Variants in PABPC4L observed in about 807,000 individuals in gnomAD.
PABPC4L encodes the protein polyadenylate-binding protein 4-like.
For missense variants in PABPC4L, 452 were observed against 451.4 expected (o/e 1.00, Z -0.01); for synonymous variants, 169 against 164.1 (o/e 1.03, Z -0.23).
At chr4:134,068,481 A>T in the PABPC4L span, among the ~76,000 whole-genome samples, 1 of 151,610 alleles carries the variant, frequency 6.6e-6, no homozygotes, top group East Asian at 1.9e-4. Flanking sequence ...TCAAATTTCC[A>T]CTCTGTGCCT....
chr4:134,012,419 G>T, the PABPC4L span, among the ~76,000 whole-genome samples: 1 of 152,070 alleles, frequency 6.6e-6, no homozygotes, highest in African/African-American at 2.4e-5. Flanking sequence ...AGCACCTTGT[G>T]ACACCCACTC....
the PABPC4L span, among the ~76,000 whole-genome samples, chr4:134,079,199 T>C: frequency 6.6e-6 from 1 of 150,742 alleles, no homozygotes; most frequent in African/African-American, 2.4e-5. Flanking sequence ...CTCAAACTCC[T>C]GACCTCGTGT....
chr4:134,141,539 T>C, the PABPC4L span, among the ~76,000 whole-genome samples: 1 of 150,666 alleles, frequency 6.6e-6, no homozygotes, highest in African/African-American at 2.4e-5. Flanking sequence ...GTCTGGTGAA[T>C]TTAGAGGTGA....
the PABPC4L span, among the ~76,000 whole-genome samples, chr4:133,968,066 T>C: frequency 1.3e-5 from 2 of 152,144 alleles, no homozygotes; most frequent in Non-Finnish European, 2.9e-5. Flanking sequence ...ATCCTACTAG[T>C]GAAACACAAA....
At chr4:134,066,687 G>A in the PABPC4L span, among the ~76,000 whole-genome samples, 6 of 151,928 alleles carry the variant, frequency 3.9e-5, no homozygotes, top group African/African-American at 1.4e-4. Context: ...TGTCATAGAT[G>A]GCTCATATTA....
chr4:134,074,242 A>C, the PABPC4L span, among the ~76,000 whole-genome samples: 1 of 152,060 alleles, frequency 6.6e-6, no homozygotes, highest in African/African-American at 2.4e-5. Flanking sequence ...AGTTCCACAG[A>C]TCTCTAGGGC....
At chr4:133,961,950 T>C in the PABPC4L span, among the ~76,000 whole-genome samples, 1 of 152,142 alleles carries the variant, frequency 6.6e-6, no homozygotes, top group Non-Finnish European at 1.5e-5. Flanking sequence ...TTGGAATCCA[T>C]GAGGCCAAGA....
the PABPC4L span, among the ~76,000 whole-genome samples, chr4:133,949,658 C>T: frequency 3.3e-5 from 5 of 152,216 alleles, no homozygotes; most frequent in East Asian, 1.9e-4. Context: ...CTCCTGTCTT[C>T]GTGGTCAGGA....
the PABPC4L span, among the ~76,000 whole-genome samples, chr4:134,044,321 T>G: frequency 1.1e-4 from 17 of 152,230 alleles, no homozygotes; most frequent in East Asian, 2.5e-3. Flanking sequence ...TGGAGTGCAG[T>G]GGCACCATCT....
At chr4:134,096,668 T>A in the PABPC4L span, among the ~76,000 whole-genome samples, 2 of 151,946 alleles carry the variant, frequency 1.3e-5, no homozygotes, top group Non-Finnish European at 2.9e-5. Flanking sequence ...CATGAAATAT[T>A]AGTGTGCCTT....
chr4:133,962,230 C>A, the PABPC4L span, among the ~76,000 whole-genome samples: 1 of 152,136 alleles, frequency 6.6e-6, no homozygotes, highest in South Asian at 2.1e-4. Flanking sequence ...GGATCTTTAA[C>A]ACAACCAAAA....
At chr4:133,953,700 A>G in the PABPC4L span, among the ~76,000 whole-genome samples, 28 of 152,174 alleles carry the variant, frequency 1.8e-4, no homozygotes, top group South Asian at 6.2e-4. Flanking sequence ...TGGGGTCATT[A>G]TTATTACATT....
the PABPC4L span, among the ~76,000 whole-genome samples, chr4:134,103,082 G>A: frequency 6.6e-6 from 1 of 151,462 alleles, no homozygotes; most frequent in Admixed American, 6.6e-5. Context: ...CATTTGGCCA[G>A]GTGTGGGCCG....
At chr4:134,038,777 T>C in the PABPC4L span, among the ~76,000 whole-genome samples, 1 of 152,126 alleles carries the variant, frequency 6.6e-6, no homozygotes. Flanking sequence ...AACCAGCTCC[T>C]GGATTCATTG....
At chr4:134,096,338 T>C in the PABPC4L span, among the ~76,000 whole-genome samples, 1 of 151,934 alleles carries the variant, frequency 6.6e-6, no homozygotes, top group African/African-American at 2.4e-5. Flanking sequence ...TGAAAATACT[T>C]TTACTTAGTA....
the PABPC4L span, among the ~76,000 whole-genome samples, chr4:133,965,881 A>G: frequency 2.6e-5 from 4 of 152,124 alleles, no homozygotes; most frequent in African/African-American, 9.6e-5. Context: ...AGATAACATC[A>G]GAAAAACCCT....
the PABPC4L span, among the ~76,000 whole-genome samples, chr4:134,050,541 C>A: frequency 6.6e-6 from 1 of 151,760 alleles, no homozygotes; most frequent in Non-Finnish European, 1.5e-5. Flanking sequence ...TCCTTCTCTA[C>A]TAAAAATACA....
chr4:134,164,032 G>A, the PABPC4L span, among the ~76,000 whole-genome samples: 8 of 151,704 alleles, frequency 5.3e-5, no homozygotes, highest in Non-Finnish European at 1.0e-4. Flanking sequence ...GGGAGGCCGA[G>A]GCGGGCGGAT....
the PABPC4L span, among the ~76,000 whole-genome samples, chr4:134,038,307 G>A: frequency 3.3e-5 from 5 of 152,058 alleles, no homozygotes; most frequent in Non-Finnish European, 7.4e-5. Context: ...TCTCTGCCAG[G>A]TTTTGGTATC....
Sources: allele counts gnomAD v4.1 joint callset (sites outside exome capture counted in the v4.1 genomes callset), GRCh38; gene constraint gnomAD v4.1.1; transcripts MANE v1.5; gene names NCBI Gene and HGNC (gene_info 2026-07-23, HGNC 2026-07-21).